The following USP34 variants were observed in gnomAD, a reference collection of about 807,000 sequenced individuals.
The protein encoded by USP34 is ubiquitin carboxyl-terminal hydrolase 34.
In USP34, 70 loss-of-function variants were observed where a neutral mutation model predicts 460.3. The observed-to-expected ratio is 0.15, with a 90% CI of 0.13 to 0.19. USP34 has a LOEUF of 0.19. Among genes scored for constraint, USP34 ranks in the 10% least tolerant of loss-of-function variants. The pLI, the probability that USP34 is intolerant of heterozygous loss-of-function variation, is 1.00. For missense variants in USP34, 3,985 were observed against 4,236.2 expected (o/e 0.94, Z 1.65); for synonymous variants, 1,647 against 1,405.3 (o/e 1.17, Z -3.85).
At chr2:61,384,038 C>G (rs1375533774) in intron 5 of USP34, among the ~76,000 whole-genome samples, 1 of 152,060 alleles carries the variant, frequency 6.6e-6, no homozygotes, top group African/African-American at 2.4e-5. Flanking sequence ...TTTAACTAAT[C>G]ATCTCATCAT....
intron 5 of USP34, among the ~76,000 whole-genome samples, chr2:61,391,014 G>C (rs1180315977): frequency 2.0e-5 from 3 of 151,954 alleles, no homozygotes; most frequent in East Asian, 3.8e-4. Flanking sequence ...AGAATCGCTT[G>C]AATCTGGGAG....
chr2:61,199,047 G>A (rs1249157016), intron 75 of USP34, among the ~76,000 whole-genome samples: 1 of 152,158 alleles, frequency 6.6e-6, no homozygotes, highest in African/African-American at 2.4e-5. Context: ...TGTTAAGTAT[G>A]CAAACATTTT....
chr2:61,297,056 T>C (rs977131720), intron 29 of USP34, 131 bp from the exon 30 acceptor site: 2 of 1,203,372 alleles, frequency 1.7e-6, no homozygotes, highest in Admixed American at 2.7e-5. Flanking sequence ...AAGTGAGAAA[T>C]GAAACATTTG....
chr2:61,395,074 G>A, intron 4 of USP34, 72 bp from the exon 5 acceptor site: 3 of 1,483,476 alleles, frequency 2.0e-6, no homozygotes, highest in Non-Finnish European at 2.7e-6. Context: ...ATACTGGAAA[G>A]ATACTGATGA....
intron 75 of USP34, among the ~76,000 whole-genome samples, chr2:61,202,285 A>G (rs865929898): frequency 6.6e-6 from 1 of 152,158 alleles, no homozygotes; most frequent in South Asian, 2.1e-4. Context: ...CTTGCAGGGT[A>G]TGGCAATATT....
In USP34 at chr2:61,301,155, T is replaced by C. The variant is rs1242714175; in HGVS notation, c.3924A>G (p.Val1308=). ...HELGFKDMQM[V]FVSLGAPRRE... The stretch of plus-strand genomic sequence containing the variant: ...TCCTTGGTGCACCCAAAGATACAAA[T>C]ACCATCTATAAAAAACAGGAAAAAA... Residue 1308 remains valine (V), a synonymous_variant, in exon 29 of 80, where the codon GTA becomes GTG. Transcript: ENST00000398571. 6.3e-7 allele frequency: 1 copy of C among 1,580,108 alleles called. No individual in the cohort carries two copies. Among genetic ancestry groups the C allele is most frequent in the African/African-American group, 1.4e-5 (1 of 71,528 alleles).
chr2:61,346,385 G>A (rs1191299357), intron 15 of USP34: 1 of 150,408 alleles, frequency 6.6e-6, no homozygotes, highest in African/African-American at 2.5e-5. Flanking sequence ...AATTAGCTAG[G>A]AGTGGCAACA....
intron 18 of USP34, among the ~76,000 whole-genome samples, chr2:61,338,648 A>G (rs540083149): frequency 1.3e-5 from 2 of 152,316 alleles, no homozygotes; most frequent in African/African-American, 2.4e-5. Context: ...ATGGAACACT[A>G]TCAAAGCAGT....
At chr2:61,287,063 G>A (rs1332859002) in intron 34 of USP34, among the ~76,000 whole-genome samples, 1 of 152,116 alleles carries the variant, frequency 6.6e-6, no homozygotes, top group Non-Finnish European at 1.5e-5. Context: ...ACAGTACATT[G>A]CAGAATACAT....
intron 3 of USP34, among the ~76,000 whole-genome samples, chr2:61,399,597 C>T (rs1437064827): frequency 6.6e-6 from 1 of 151,612 alleles, no homozygotes; most frequent in Admixed American, 6.6e-5. Context: ...CGGTCCCGGG[C>T]GCGGTGGCTC....
intron 28 of USP34, 38 bp from the exon 29 acceptor site, chr2:61,301,198 CTTTTAG>C: frequency 6.4e-7 from 1 of 1,563,762 alleles, no homozygotes; most frequent in Non-Finnish European, 8.6e-7. Context: ...GCATATCAAG[CTTTTAG>C]TTTAATAAAA....
intron 78 of USP34, chr2:61,189,675 A>G (rs1036157192): frequency 3.9e-5 from 6 of 152,434 alleles, no homozygotes; most frequent in East Asian, 3.7e-4. Flanking sequence ...GGAAAAGGAA[A>G]TATAAGAATT....
intron 49 of USP34, among the ~76,000 whole-genome samples, chr2:61,248,104 T>C (rs1688468307): frequency 6.7e-6 from 1 of 150,210 alleles, no homozygotes; most frequent in South Asian, 2.1e-4. Flanking sequence ...CAAGAACTAC[T>C]TGAACCTGGG....
chr2:61,332,161 G>C lies in USP34; in HGVS notation c.2835-790C>G, dbSNP rs867829760. 9.9e-5 allele frequency among the ~76,000 whole-genome samples: 15 copies of C among 152,128 alleles called. No homozygotes were observed. In the South Asian group the frequency reaches 3.1e-3, roughly 32 times the overall value. ...GCTTCAGGCAAGTAAGCTGTCTTGT[G>C]GAAGTCTGTTTGCTTGAAGGTTTAT... On this transcript the variant is annotated intron_variant, in intron 19 of 79. Transcript: ENST00000398571.
chr2:61,394,936 G>T lies in USP34; in HGVS notation c.670C>A (p.Leu224Ile). ...CCATATTCAAAGCAATCCTTCATGAGAGAAAGGCCATTTTTCCCACAAAAC... is the reference window on the plus strand; with the variant it reads ...CCATATTCAAAGCAATCCTTCATGATAGAAAGGCCATTTTTCCCACAAAAC... Reference protein sequence around the residue: ...CLFCGKNGLSLMKDCFEYGTP... With the variant: ...CLFCGKNGLSIMKDCFEYGTP... The change falls in exon 5 of 80, where the codon CTC becomes ATC. Residue 224 changes from leucine to isoleucine, a missense_variant. Transcript: ENST00000398571. 1.9e-6 allele frequency: 3 copies of T among 1,608,586 alleles called. No individual in the cohort carries two copies. Among genetic ancestry groups the T allele is most frequent in the Non-Finnish European group, 2.5e-6 (3 of 1,178,156 alleles).
intron 12 of USP34, 94 bp from the exon 13 acceptor site, chr2:61,349,379 G>C (rs1190208634): frequency 1.5e-6 from 2 of 1,324,790 alleles, no homozygotes; most frequent in East Asian, 2.4e-5. Context: ...TAATCAACAA[G>C]ATGTAAGTGG....
At position 61,317,624 on chromosome 2, in the gene USP34, T is replaced by C. The variant is rs183237934; in HGVS notation, c.3282+30A>G. 9,162 of 1,541,358 alleles carry C rather than the reference T, an allele frequency of 5.9e-3. 49 individuals are homozygous for C. The highest frequency in any genetic ancestry group is 7.3e-3 in the Non-Finnish European group (8,238 of 1,123,042). ...TGATAATCTAATTTGAGGAATAAAG[T>C]TGCCTAATAAAGTAAGTCTAAATCC... On this transcript the variant is annotated intron_variant, in intron 23 of 79. Transcript: ENST00000398571.
At chr2:61,342,528 T>G (rs1475882364) in intron 16 of USP34, among the ~76,000 whole-genome samples, 1 of 151,888 alleles carries the variant, frequency 6.6e-6, no homozygotes, top group East Asian at 1.9e-4. Flanking sequence ...GCTAGACTAG[T>G]CTCGAACTCC....
At chr2:61,282,383 T>C (rs1228249346) in intron 37 of USP34, among the ~76,000 whole-genome samples, 1 of 152,158 alleles carries the variant, frequency 6.6e-6, no homozygotes, top group Admixed American at 6.6e-5. Context: ...ATGAGGTGAG[T>C]AATGCCAAGA....
Sources: gnomAD v4.1 joint callset for allele counts (sites outside exome capture counted in the v4.1 genomes callset) on GRCh38, gnomAD v4.1.1 for gene constraint, MANE v1.5 for transcripts, NCBI Gene and HGNC (gene_info 2026-07-23, HGNC 2026-07-21) for gene names.